Variants in SLC16A7 observed in about 807,000 individuals in gnomAD.
SLC16A7 encodes solute carrier family 16 member 7.
A neutral mutation model predicts 34.9 loss-of-function variants in SLC16A7; 33 were observed. The observed-to-expected ratio is 0.94, with a 90% CI of 0.72 to 1.26. SLC16A7 has a LOEUF of 1.26. SLC16A7 is among the 50% of genes most tolerant of loss of function. The pLI is 0.00. For synonymous variants in SLC16A7, 201 were observed against 206.6 expected (o/e 0.97, Z 0.23); for missense variants, 573 against 578.1 (o/e 0.99, Z 0.09).
chr12:59,771,271 A>T lies in SLC16A7; in HGVS notation c.270A>T (p.Ile90=), dbSNP rs1882195988. Reference sequence around the variant, plus strand: ...AATACGGCAGCCGGCCGGTGGTGATAGCAGGAGGCTTATTATGCTGTCTTG... The same window carrying T: ...AATACGGCAGCCGGCCGGTGGTGATTGCAGGAGGCTTATTATGCTGTCTTG... The part of the protein sequence containing the change: ...VNKYGSRPVV[I]AGGLLCCLGM... Residue 90 remains isoleucine (I), a synonymous_variant, in exon 4 of 6, where the codon ATA becomes ATT. Coordinates refer to ENST00000547379, the MANE Select transcript of SLC16A7 (RefSeq NM_001270623.2). 1 of 1,613,390 alleles carries T rather than the reference A, an allele frequency of 6.2e-7. No homozygotes were observed. Among genetic ancestry groups the T allele is most frequent in the Non-Finnish European group, 8.5e-7 (1 of 1,179,678 alleles).
chr12:59,738,686 A>G (rs1877897001), intron 3 of SLC16A7, among the ~76,000 whole-genome samples: 1 of 152,156 alleles, frequency 6.6e-6, no homozygotes, highest in South Asian at 2.1e-4. Context: ...TGCCTCAGAG[A>G]AAGAAAATGC....
intron 2 of SLC16A7, among the ~76,000 whole-genome samples, chr12:59,657,439 T>C (rs1868592177): frequency 6.6e-6 from 1 of 152,020 alleles, no homozygotes; most frequent in Non-Finnish European, 1.5e-5. Flanking sequence ...AGCATGTGAA[T>C]ATCTTGGTAG....
chr12:59,747,763 GC>G (rs1365945780), intron 3 of SLC16A7, among the ~76,000 whole-genome samples: 1 of 152,224 alleles, frequency 6.6e-6, no homozygotes, highest in Non-Finnish European at 1.5e-5. Flanking sequence ...AGCTGTGTAA[GC>G]AGAGGCAACC....
chr12:59,719,317 T>A (rs1352865613), intron 3 of SLC16A7, among the ~76,000 whole-genome samples: 1 of 152,128 alleles, frequency 6.6e-6, no homozygotes. Flanking sequence ...AGAGATATAA[T>A]AAAACAATAT....
intron 2 of SLC16A7, among the ~76,000 whole-genome samples, chr12:59,673,591 A>G (rs568256451): frequency 4.6e-5 from 7 of 152,158 alleles, no homozygotes; most frequent in African/African-American, 1.7e-4. Flanking sequence ...GCAGCCTAAC[A>G]TCATAGGAGT....
intron 4 of SLC16A7, 75 bp from the exon 5 acceptor site, chr12:59,774,582 T>A: frequency 2.3e-6 from 2 of 859,808 alleles, no homozygotes; most frequent in South Asian, 3.7e-5. Context: ...TGAATGTACA[T>A]TTTGAGGAGT....
rs568434621 is a variant in SLC16A7, at chr12:59,728,245, G to A, written c.217+23227G>A. Among the ~76,000 whole-genome samples the A allele has an allele frequency of 2.8e-3, 423 of 152,260 alleles. 4 individuals carry two copies. The highest frequency in any genetic ancestry group is 1.5e-3 in the Non-Finnish European group (102 of 68,014). On this transcript the variant is annotated intron_variant, in intron 3 of 5. Transcript: ENST00000547379. The stretch of plus-strand genomic sequence containing the variant: ...TTTGGGACATAATGGGTCTGGGCCA[G>A]GTGGAAGAGCATGGGCACTCACTCA...
intron 2 of SLC16A7, among the ~76,000 whole-genome samples, chr12:59,670,085 G>A (rs61936300): frequency 2.6e-5 from 4 of 152,276 alleles, no homozygotes; most frequent in African/African-American, 7.2e-5. Flanking sequence ...TTTCTTGAAA[G>A]CTTCTAGGGG....
At chr12:59,725,730 GAA>G (rs1876153705) in intron 3 of SLC16A7, among the ~76,000 whole-genome samples, 1 of 152,060 alleles carries the variant, frequency 6.6e-6, no homozygotes, top group Non-Finnish European at 1.5e-5. Context: ...CAAAAAATAT[GAA>G]GTTATTCCAT....
At chr12:59,735,113 G>A (rs1019396099) in intron 3 of SLC16A7, among the ~76,000 whole-genome samples, 6 of 152,102 alleles carry the variant, frequency 3.9e-5, no homozygotes, top group African/African-American at 7.2e-5. Flanking sequence ...GGTGCTGAAC[G>A]GCTAAGGTAT....
intron 3 of SLC16A7, among the ~76,000 whole-genome samples, chr12:59,731,411 G>A (rs1406238295): frequency 6.6e-6 from 1 of 152,170 alleles, no homozygotes; most frequent in African/African-American, 2.4e-5. Context: ...AGGTTAAATG[G>A]TGAAAGATCA....
intron 3 of SLC16A7, among the ~76,000 whole-genome samples, chr12:59,732,741 C>A (rs539808546): frequency 1.4e-4 from 22 of 152,114 alleles, no homozygotes; most frequent in Non-Finnish European, 1.9e-4. Flanking sequence ...TCCTTTCATG[C>A]GTAGTTATTC....
At chr12:59,617,657 T>C (rs941790182) in intron 1 of SLC16A7, among the ~76,000 whole-genome samples, 3 of 152,068 alleles carry the variant, frequency 2.0e-5, no homozygotes, top group South Asian at 2.1e-4. Flanking sequence ...ATCAGAATTA[T>C]ATGGTTTATT....
intron 3 of SLC16A7, among the ~76,000 whole-genome samples, chr12:59,749,899 A>T (rs1045222359): frequency 1.3e-5 from 2 of 152,314 alleles, no homozygotes; most frequent in African/African-American, 4.8e-5. Context: ...CTTGATGGAG[A>T]TGAAAGTTTC....
intron 1 of SLC16A7, chr12:59,597,059 A>C (rs1376777647): frequency 6.6e-6 from 1 of 152,316 alleles, no homozygotes; most frequent in African/African-American, 2.4e-5. Context: ...CTGTTTTCTC[A>C]GCGGATGCTG....
intron 2 of SLC16A7, among the ~76,000 whole-genome samples, chr12:59,672,270 G>C (rs1017071932): frequency 1.6e-5 from 2 of 122,476 alleles, no homozygotes; most frequent in Non-Finnish European, 1.8e-5. Flanking sequence ...GCATATATAC[G>C]TATATATATG....
At chr12:59,700,602 T>C (rs1872762145) in intron 2 of SLC16A7, among the ~76,000 whole-genome samples, 1 of 150,940 alleles carries the variant, frequency 6.6e-6, no homozygotes, top group Non-Finnish European at 1.5e-5. Context: ...TTAGTTTATG[T>C]ATTACATATA....
chr12:59,667,709 C>T (rs564602749), intron 2 of SLC16A7, among the ~76,000 whole-genome samples: 11 of 152,282 alleles, frequency 7.2e-5, no homozygotes, highest in African/African-American at 2.6e-4. Flanking sequence ...AGACATTTGC[C>T]TAAGTAACAA....
chr12:59,756,508 G>T (rs2137364077), intron 3 of SLC16A7, among the ~76,000 whole-genome samples: 1 of 152,224 alleles, frequency 6.6e-6, no homozygotes, highest in East Asian at 1.9e-4. Context: ...ATGTAAAAAT[G>T]CTCACCATCA....
Sources: allele counts gnomAD v4.1 joint callset (sites outside exome capture counted in the v4.1 genomes callset), GRCh38; gene constraint gnomAD v4.1.1; transcripts MANE v1.5; gene names NCBI Gene and HGNC (gene_info 2026-07-23, HGNC 2026-07-21).